Variants in OR56A3 observed in about 807,000 individuals in gnomAD.
OR56A3 encodes olfactory receptor 56A3.
A neutral mutation model predicts 17.5 loss-of-function variants in OR56A3; 23 were observed. That is an observed-to-expected ratio of 1.32 (90% CI 0.95 to 1.87). OR56A3 has a LOEUF of 1.87. OR56A3 is among the 40% of genes most tolerant of loss of function. The pLI, the probability that OR56A3 is intolerant of heterozygous loss-of-function variation, is 0.00. For missense variants in OR56A3, 366 were observed against 380.1 expected (o/e 0.96, Z 0.31); for synonymous variants, 175 against 150.6 (o/e 1.16, Z -1.19).
the OR56A3 span, among the ~76,000 whole-genome samples, chr11:6,017,315 A>G: frequency 1.1e-4 from 17 of 152,354 alleles, no homozygotes; most frequent in Admixed American, 5.2e-4. Context: ...AGGAAGCTCA[A>G]ATATTCTCAA....
chr11:5,959,031 A>G, the OR56A3 span, among the ~76,000 whole-genome samples: 1 of 152,222 alleles, frequency 6.6e-6, no homozygotes, highest in South Asian at 2.1e-4. Context: ...TAATCTATGG[A>G]TGAACACATA....
At chr11:5,997,995 G>A in the OR56A3 span, among the ~76,000 whole-genome samples, 33,614 of 152,102 alleles carry the variant, frequency 0.22, 4,212 homozygotes, top group Middle Eastern at 0.3. Flanking sequence ...TGACAGTGAA[G>A]GAAAAATGCC....
At chr11:5,943,701 G>T (rs1847852913) in intron 1 of OR56A3, among the ~76,000 whole-genome samples, 4 of 152,112 alleles carry the variant, frequency 2.6e-5, no homozygotes, top group Admixed American at 2.6e-4. Context: ...CAAGCTAAGA[G>T]CTGAATCAAG....
chr11:5,949,893 T>C lies in OR56A3; in HGVS notation c.*1599T>C, dbSNP rs1351968340. The C allele has an allele frequency of 6.6e-6, 1 of 152,178 alleles. No individual in the cohort carries two copies. Among genetic ancestry groups the C allele is most frequent in the African/African-American group, 2.4e-5 (1 of 41,446 alleles). 9.4% of individuals were successfully genotyped at this position (152,178 alleles called of 1,614,324 possible). A position where few individuals can be genotyped will look rare whatever the true frequency, so the allele number is the denominator to read the frequency against. On this transcript the variant is annotated 3_prime_UTR_variant, in exon 3 of 3. Coordinates refer to ENST00000641160, the MANE Select transcript of OR56A3 (RefSeq NM_001003443.3). Reference sequence around the variant, plus strand: ...TAAAAGCATATAATCAATAATTTAATTAGAAATTTCTCAAAAGTGAAAAGC... The same window carrying C: ...TAAAAGCATATAATCAATAATTTAACTAGAAATTTCTCAAAAGTGAAAAGC...
At chr11:5,971,927 T>C in the OR56A3 span, among the ~76,000 whole-genome samples, 1 of 152,194 alleles carries the variant, frequency 6.6e-6, no homozygotes, top group African/African-American at 2.4e-5. Flanking sequence ...TTCCAAAATA[T>C]ATGACTGACC....
chr11:5,956,176 GATGT>G (rs1175338459), downstream of OR56A3, among the ~76,000 whole-genome samples: 1 of 152,204 alleles, frequency 6.6e-6, no homozygotes, highest in Non-Finnish European at 1.5e-5. Flanking sequence ...GTTGGCCAAA[GATGT>G]ATTTGATGAA....
At chr11:5,972,981 A>G in the OR56A3 span, among the ~76,000 whole-genome samples, 2 of 152,206 alleles carry the variant, frequency 1.3e-5, no homozygotes, top group Admixed American at 6.5e-5. Flanking sequence ...ACATTCTCTT[A>G]TTCTACATTA....
At chr11:5,945,573 C>A in intron 2 of OR56A3, among the ~76,000 whole-genome samples, 1 of 96,612 alleles carries the variant, frequency 1.0e-5, no homozygotes, top group African/African-American at 4.1e-5. Flanking sequence ...AGAGCTAGAC[C>A]CCATATAAAA....
At chr11:6,003,853 A>G in the OR56A3 span, among the ~76,000 whole-genome samples, 1 of 152,294 alleles carries the variant, frequency 6.6e-6, no homozygotes, top group Non-Finnish European at 1.5e-5. Flanking sequence ...GCAAGAACCC[A>G]CTTACCTGGT....
At chr11:5,964,587 G>A in the OR56A3 span, among the ~76,000 whole-genome samples, 5 of 152,278 alleles carry the variant, frequency 3.3e-5, no homozygotes, top group South Asian at 1.0e-3. Context: ...GCACAGCATT[G>A]GGGTGCACCC....
At chr11:5,988,865 A>G in the OR56A3 span, among the ~76,000 whole-genome samples, 1 of 152,256 alleles carries the variant, frequency 6.6e-6, no homozygotes, top group Non-Finnish European at 1.5e-5. Context: ...TTTGTCTTAA[A>G]GGACAGGCGT....
the OR56A3 span, among the ~76,000 whole-genome samples, chr11:5,980,618 T>G: frequency 3.3e-5 from 5 of 152,174 alleles, no homozygotes; most frequent in African/African-American, 4.8e-5. Flanking sequence ...TAGTTGGGTC[T>G]TGCTTCTTTA....
At chr11:5,999,880 T>A in the OR56A3 span, 1 of 152,170 alleles carries the variant, frequency 6.6e-6, no homozygotes, top group Non-Finnish European at 1.5e-5. Flanking sequence ...GATGCAAGAA[T>A]AATGATTCCA....
At chr11:5,986,589 G>A in the OR56A3 span, 1 of 1,613,894 alleles carries the variant, frequency 6.2e-7, no homozygotes, top group Admixed American at 1.7e-5. Context: ...GGATCAGGCA[G>A]ACGATGTACC....
chr11:6,005,334 A>T, the OR56A3 span, among the ~76,000 whole-genome samples: 1 of 152,198 alleles, frequency 6.6e-6, no homozygotes, highest in South Asian at 2.1e-4. Context: ...GAACAAAAAA[A>T]CCTGCCTTCA....
the OR56A3 span, among the ~76,000 whole-genome samples, chr11:5,966,161 A>G: frequency 6.7e-6 from 1 of 148,618 alleles, no homozygotes; most frequent in African/African-American, 2.5e-5. Flanking sequence ...GCTTGAGCCC[A>G]GGAGTTCAAG....
chr11:5,959,556 T>C, the OR56A3 span, among the ~76,000 whole-genome samples: 3 of 152,194 alleles, frequency 2.0e-5, no homozygotes, highest in African/African-American at 7.2e-5. Flanking sequence ...AACATTAATC[T>C]TTATCAGATA....
the OR56A3 span, among the ~76,000 whole-genome samples, chr11:5,987,835 C>T: frequency 6.6e-6 from 1 of 152,262 alleles, no homozygotes; most frequent in Admixed American, 6.5e-5. Context: ...TTCATAACAT[C>T]TTTCTGCCTT....
chr11:5,994,206 C>A, the OR56A3 span: 1 of 528,778 alleles, frequency 1.9e-6, no homozygotes. Flanking sequence ...TCAGGCTGTT[C>A]TCTAAGCTGG....
Sources: allele counts gnomAD v4.1 joint callset (sites outside exome capture counted in the v4.1 genomes callset), GRCh38; gene constraint gnomAD v4.1.1; transcripts MANE v1.5; gene names NCBI Gene and HGNC (gene_info 2026-07-23, HGNC 2026-07-21).